Variants in DDAH1 observed in about 807,000 individuals in gnomAD.
The protein encoded by DDAH1 is N(G),N(G)-dimethylarginine dimethylaminohydrolase 1.
DDAH1 carries 19 observed loss-of-function variants against 28.8 expected under a neutral mutation model. That is an observed-to-expected ratio of 0.66 (90% CI 0.46 to 0.97). DDAH1 has a LOEUF of 0.97. Among genes scored for constraint, DDAH1 ranks in the 50% least tolerant of loss-of-function variants. DDAH1 has a pLI of 0.00. For missense variants in DDAH1, 326 were observed against 375.9 expected (o/e 0.87, Z 1.10); for synonymous variants, 153 against 154.4 (o/e 0.99, Z 0.07).
intron 1 of DDAH1, among the ~76,000 whole-genome samples, chr1:85,452,427 G>A (rs914155397): frequency 1.3e-5 from 2 of 152,086 alleles, no homozygotes; most frequent in Non-Finnish European, 2.9e-5. Context: ...ACGTAGATGC[G>A]TGCATGTGTA....
intron 1 of DDAH1, among the ~76,000 whole-genome samples, chr1:85,561,474 A>T (rs1176663526): frequency 1.3e-5 from 2 of 151,978 alleles, no homozygotes; most frequent in East Asian, 3.9e-4. Context: ...CTACCCTATC[A>T]CTAACTAGCT....
intron 1 of DDAH1, among the ~76,000 whole-genome samples, chr1:85,430,803 G>C (rs1653647104): frequency 6.6e-6 from 1 of 152,098 alleles, no homozygotes; most frequent in Non-Finnish European, 1.5e-5. Context: ...TGAGATGATG[G>C]GGTTTTCTAA....
intron 1 of DDAH1, among the ~76,000 whole-genome samples, chr1:85,538,963 G>A (rs1324056006): frequency 1.3e-5 from 2 of 152,046 alleles, no homozygotes; most frequent in Non-Finnish European, 2.9e-5. Context: ...TCTACAGCAT[G>A]TTGTTTTCCT....
At chr1:85,408,383 T>C (rs901237806) in intron 1 of DDAH1, among the ~76,000 whole-genome samples, 1 of 152,168 alleles carries the variant, frequency 6.6e-6, no homozygotes, top group African/African-American at 2.4e-5. Flanking sequence ...GTTTATCAAT[T>C]TGAAGTACTC....
intron 1 of DDAH1, among the ~76,000 whole-genome samples, chr1:85,566,278 G>A (rs1300965056): frequency 6.6e-6 from 1 of 151,912 alleles, no homozygotes; most frequent in African/African-American, 2.4e-5. Context: ...GGTCAAGATG[G>A]GTGGATTGCT....
intron 1 of DDAH1, among the ~76,000 whole-genome samples, chr1:85,559,243 G>A (rs1395031856): frequency 3.3e-5 from 5 of 152,170 alleles, no homozygotes; most frequent in Non-Finnish European, 7.4e-5. Flanking sequence ...AGAGACACCA[G>A]CAGAGTCACA....
chr1:85,371,723 T>C (rs1466145721), intron 1 of DDAH1, among the ~76,000 whole-genome samples: 1 of 152,204 alleles, frequency 6.6e-6, no homozygotes, highest in Non-Finnish European at 1.5e-5. Flanking sequence ...AATGAAAGTT[T>C]GCTGTGCTAA....
At chr1:85,478,870 T>A (rs910145502) in intron 2 of DDAH1, among the ~76,000 whole-genome samples, 1 of 152,200 alleles carries the variant, frequency 6.6e-6, no homozygotes, top group Admixed American at 6.5e-5. Context: ...AAGAATGGGT[T>A]GTTAATATTA....
At chr1:85,437,621 G>A (rs1654000056) in intron 1 of DDAH1, among the ~76,000 whole-genome samples, 1 of 152,146 alleles carries the variant, frequency 6.6e-6, no homozygotes, top group South Asian at 2.1e-4. Flanking sequence ...ATGTGTTAAT[G>A]CACTTTATGT....
At chr1:85,501,274 C>T (rs1486601974) in intron 1 of DDAH1, among the ~76,000 whole-genome samples, 1 of 152,154 alleles carries the variant, frequency 6.6e-6, no homozygotes, top group Non-Finnish European at 1.5e-5. Flanking sequence ...AGCCTTGAGT[C>T]CAGGGCTAGA....
At chr1:85,506,381 T>C (rs1389070376) in intron 1 of DDAH1, among the ~76,000 whole-genome samples, 1 of 152,180 alleles carries the variant, frequency 6.6e-6, no homozygotes, top group Non-Finnish European at 1.5e-5. Context: ...CAGCAGTTTT[T>C]TTAAAAAAAT....
chr1:85,474,877 A>G (rs1655740909), intron 2 of DDAH1, among the ~76,000 whole-genome samples: 1 of 152,116 alleles, frequency 6.6e-6, no homozygotes, highest in African/African-American at 2.4e-5. Flanking sequence ...ATAAATTGCT[A>G]TGGGAGAGTG....
chr1:85,500,086 C>A (rs566089784), intron 1 of DDAH1, among the ~76,000 whole-genome samples: 2 of 142,690 alleles, frequency 1.4e-5, no homozygotes, highest in African/African-American at 2.6e-5. Flanking sequence ...CCTTTCCTTC[C>A]TTCCTTCCCT....
At position 85,464,745 on chromosome 1, in the gene DDAH1, C is replaced by A. The variant is rs762925431; in HGVS notation, c.301G>T (p.Glu101Ter). 26 of 1,537,954 alleles carry A rather than the reference C, an allele frequency of 1.7e-5. No homozygotes were observed. Among genetic ancestry groups the A allele is most frequent in the Non-Finnish European group, 8.7e-7 (1 of 1,148,660 alleles). Residue 101 changes from glutamate to a stop codon, truncating the protein, a stop_gained and splice_region_variant, in exon 1 of 6, where the codon GAG becomes TAG. Transcript: ENST00000284031. LOFTEE classifies it high-confidence loss of function. This position sits in a 1 kb window ranked among gnomAD's most constrained non-coding sequence, Gnocchi z 4.4. Reference protein sequence around the residue: ...TRPGAPSRRKEVDMMKEALEK... With the variant: ...TRPGAPSRRK ...GCGCCCCTCGAGTCGGCAGTTACCT[C>A]CTTCCTCCGGCTCGGCGCCCCGGGT...
chr1:85,456,078 A>G (rs1654866524), intron 1 of DDAH1, among the ~76,000 whole-genome samples: 1 of 150,434 alleles, frequency 6.6e-6, no homozygotes, highest in African/African-American at 2.4e-5. Flanking sequence ...TCTCCCCTAC[A>G]ACCCGGGTTC....
chr1:85,444,025 G>A (rs34278923), intron 1 of DDAH1, among the ~76,000 whole-genome samples: 32,582 of 152,030 alleles, frequency 0.21, 3,594 homozygotes, highest in East Asian at 0.32. Flanking sequence ...CTGCCTGATT[G>A]TCCTGGCCAG....
intron 1 of DDAH1, among the ~76,000 whole-genome samples, chr1:85,571,787 CTTTTTTTTTTTTTT>C (rs58835610): frequency 1.2e-5 from 1 of 85,382 alleles, no homozygotes; most frequent in Non-Finnish European, 2.1e-5. Flanking sequence ...TGTTTATAAG[CTTTTTTTTTTTTTT>C]TTTTTTTTTT....
intron 1 of DDAH1, among the ~76,000 whole-genome samples, chr1:85,381,250 T>G (rs1173018504): frequency 6.6e-6 from 1 of 151,324 alleles, no homozygotes; most frequent in East Asian, 1.9e-4. Flanking sequence ...AAAAGATATA[T>G]TCTTTGGATA....
chr1:85,435,801 G>C (rs1653905685), intron 1 of DDAH1, among the ~76,000 whole-genome samples: 1 of 151,920 alleles, frequency 6.6e-6, no homozygotes, highest in Non-Finnish European at 1.5e-5. Flanking sequence ...TTATTTTTTT[G>C]AGACAGTCTC....
Sources: gnomAD v4.1 joint callset for allele counts (sites outside exome capture counted in the v4.1 genomes callset) on GRCh38, gnomAD v4.1.1 for gene constraint, Gnocchi (gnomAD v3.1) non-coding constraint, MANE v1.5 for transcripts, NCBI Gene and HGNC (gene_info 2026-07-23, HGNC 2026-07-21) for gene names.